GRIP1: variants seen among roughly 807,000 people sequenced by gnomAD.
GRIP1 encodes glutamate receptor-interacting protein 1.
GRIP1 carries 45 observed loss-of-function variants against 129.9 expected under a neutral mutation model. That is an observed-to-expected ratio of 0.35 (90% CI 0.27 to 0.44). GRIP1 has a LOEUF of 0.44. Among genes scored for constraint, GRIP1 ranks in the 20% least tolerant of loss-of-function variants. The pLI is 1.00. For synonymous variants in GRIP1, 530 were observed against 520.8 expected, an observed-to-expected ratio of 1.02 and a Z score of -0.24; for missense variants, 1,196 against 1,396.8, an observed-to-expected ratio of 0.86 and a Z score of 2.29.
intron 1 of GRIP1, among the ~76,000 whole-genome samples, chr12:66,700,334 G>C (rs2035306272): frequency 1.3e-5 from 2 of 152,160 alleles, no homozygotes; most frequent in South Asian, 4.1e-4. Context: ...ATGAGGCTGG[G>C]GAGGTAGGCA....
At chr12:66,677,538 C>T (rs772983620) in intron 1 of GRIP1, among the ~76,000 whole-genome samples, 21 of 152,212 alleles carry the variant, frequency 1.4e-4, no homozygotes, top group East Asian at 5.8e-4. Context: ...AGAAATTGTA[C>T]GTCTGTACCA....
chr12:66,945,871 G>A (rs1050056072), intron 1 of GRIP1, among the ~76,000 whole-genome samples: 12 of 152,252 alleles, frequency 7.9e-5, no homozygotes, highest in Admixed American at 5.9e-4. Flanking sequence ...TTTAGCAAAC[G>A]TTGGAGTCTT....
chr12:66,960,198 T>C (rs1382262704), intron 1 of GRIP1, among the ~76,000 whole-genome samples: 1 of 152,082 alleles, frequency 6.6e-6, no homozygotes, highest in South Asian at 2.1e-4. Context: ...CTCTGAGTCA[T>C]GTGGGGAATG....
At chr12:66,492,802 G>C (rs1017731453) in intron 7 of GRIP1, among the ~76,000 whole-genome samples, 3 of 152,130 alleles carry the variant, frequency 2.0e-5, no homozygotes, top group African/African-American at 7.2e-5. Context: ...TTGAGGTCAG[G>C]AGTTCAAGAC....
At chr12:66,944,285 G>T (rs1471912719) in intron 1 of GRIP1, among the ~76,000 whole-genome samples, 2 of 152,160 alleles carry the variant, frequency 1.3e-5, no homozygotes, top group African/African-American at 4.8e-5. Flanking sequence ...ACTTGTGCAT[G>T]ACTTGGTTTC....
rs1235984983 is a variant in GRIP1 at position 66,462,949 on chromosome 12, C to A, written c.1017G>T (p.Arg339=). Residue 339 remains arginine (R), a synonymous_variant, in exon 9 of 25, where the codon CGG becomes CGT. Coordinates refer to ENST00000359742, the MANE Select transcript of GRIP1 (RefSeq NM_001366722.1). ...KLEILPHHQT[R]LALKGPDHVK... ...CATGGTCGGGCCCCTTTAGGGCCAG[C>A]CGGGTCTGATGATGGGGAAGGATCT... The A allele has an allele frequency of 6.2e-7, 1 of 1,613,658 alleles. No homozygotes were observed. The highest frequency in any genetic ancestry group is 8.5e-7 in the Non-Finnish European group (1 of 1,179,912).
At chr12:66,912,722 G>C (rs1666277505) in intron 1 of GRIP1, among the ~76,000 whole-genome samples, 1 of 151,972 alleles carries the variant, frequency 6.6e-6, no homozygotes, top group South Asian at 2.1e-4. Flanking sequence ...TAAAATTTAA[G>C]AAAATAACAT....
intron 2 of GRIP1, chr12:66,568,628 G>A (rs1480257501): frequency 1.1e-5 from 2 of 188,034 alleles, no homozygotes. Context: ...AGATTCAGAA[G>A]AATCTATTAA....
chr12:66,926,616 T>C (rs2041299921), intron 1 of GRIP1, among the ~76,000 whole-genome samples: 1 of 152,194 alleles, frequency 6.6e-6, no homozygotes, highest in Non-Finnish European at 1.5e-5. Context: ...TGCTGTCAAG[T>C]TATGCTATGT....
At chr12:66,771,062 C>T (rs1454074291) in intron 1 of GRIP1, among the ~76,000 whole-genome samples, 1 of 152,010 alleles carries the variant, frequency 6.6e-6, no homozygotes, top group Non-Finnish European at 1.5e-5. Flanking sequence ...CATTGCCTTC[C>T]AACCTGGGCA....
At chr12:66,730,222 G>T (rs143662989) in intron 1 of GRIP1, among the ~76,000 whole-genome samples, 4 of 151,898 alleles carry the variant, frequency 2.6e-5, no homozygotes, top group Non-Finnish European at 5.9e-5. Flanking sequence ...TTATTTTACC[G>T]TAAAATTTAA....
chr12:66,586,134 A>G (rs112037064), intron 2 of GRIP1, among the ~76,000 whole-genome samples: 2 of 152,246 alleles, frequency 1.3e-5, no homozygotes, highest in East Asian at 1.9e-4. Flanking sequence ...AGTTGTCCAC[A>G]TTCTCTGCCT....
rs572851199 is a variant in GRIP1, at chr12:66,756,617, T to A, written c.-420+47436A>T. On this transcript the variant is annotated intron_variant, in intron 1 of 4. Transcript: ENST00000538373. ...GGAATTAAGGTGGTAGGAGTGATAA[T>A]GAAGGTGGTAGTGGCAGTGGGTGGT... Among the ~76,000 whole-genome samples, 89 of 152,268 alleles carry A rather than the reference T, an allele frequency of 5.8e-4. 1 individual carries two copies. The highest frequency in any genetic ancestry group is 1.0e-3 in the Non-Finnish European group (71 of 68,030).
At chr12:67,056,933 C>T (rs981990820) in intron 1 of GRIP1, among the ~76,000 whole-genome samples, 38 of 152,112 alleles carry the variant, frequency 2.5e-4, no homozygotes, top group Admixed American at 2.6e-4. Flanking sequence ...GCCTCAATCT[C>T]CCAAGTAGCT....
intron 1 of GRIP1, among the ~76,000 whole-genome samples, chr12:66,714,143 G>A (rs1209177508): frequency 1.3e-5 from 2 of 151,916 alleles, no homozygotes; most frequent in African/African-American, 2.4e-5. Context: ...GATGTGAAAC[G>A]TTATCTCTGT....
chr12:66,738,221 T>C (rs1395909264), intron 1 of GRIP1, among the ~76,000 whole-genome samples: 3 of 151,340 alleles, frequency 2.0e-5, no homozygotes, highest in African/African-American at 4.9e-5. Flanking sequence ...CTTTTTCTTT[T>C]TTTTTTCTTT....
At position 66,786,551 on chromosome 12, in the gene GRIP1, G is replaced by A. The variant is rs1449616519; in HGVS notation, c.-420+17502C>T. 2.6e-5 allele frequency among the ~76,000 whole-genome samples: 4 copies of A among 152,272 alleles called. 1 individual carries two copies. In the Middle Eastern group the frequency reaches 0.01, roughly 388 times the overall value. ...GGTCTCATCCTCAGACACTGACTAT[G>A]GTCTGCTTTTCCCAGCAGCCCCCAG... On this transcript the variant is annotated intron_variant, in intron 1 of 4. Coordinates refer to the GRIP1 transcript ENST00000538373.
At chr12:66,804,336 C>G (rs773242486), upstream of GRIP1, 5 of 216,250 alleles carry the variant, frequency 2.3e-5, no homozygotes, top group Non-Finnish European at 4.9e-5. Flanking sequence ...ATCAACACGG[C>G]GACTTTGGCC....
At chr12:66,750,883 A>C (rs563374294) in intron 1 of GRIP1, among the ~76,000 whole-genome samples, 162 of 152,348 alleles carry the variant, frequency 1.1e-3, no homozygotes, top group Non-Finnish European at 1.5e-3. Context: ...AATTATTTAC[A>C]TGTGATCATT....
Sources: gnomAD v4.1 joint callset for allele counts (sites outside exome capture counted in the v4.1 genomes callset) on GRCh38, gnomAD v4.1.1 for gene constraint, MANE v1.5 for transcripts, NCBI Gene and HGNC (gene_info 2026-07-23, HGNC 2026-07-21) for gene names.